The following AKAP10 variants were observed in gnomAD, a reference collection of about 807,000 sequenced individuals.
AKAP10 encodes A-kinase anchoring protein 10.
Under a neutral mutation model 80.8 loss-of-function variants are expected in AKAP10, and 24 were observed. The observed-to-expected ratio is 0.30, with a 90% CI of 0.22 to 0.42. The LOEUF (loss-of-function observed/expected upper bound fraction) is 0.42, where lower values mean the gene tolerates loss of function less well. Among genes scored for constraint, AKAP10 ranks in the 10% least tolerant of loss-of-function variants. AKAP10 has a pLI of 1.00. For synonymous variants in AKAP10, 291 were observed against 277.7 expected (o/e 1.05, Z -0.48); for missense variants, 661 against 794.9 (o/e 0.83, Z 2.03).
intron 12 of AKAP10, among the ~76,000 whole-genome samples, chr17:19,914,645 A>T (rs886706738): frequency 4.6e-5 from 7 of 151,398 alleles, no homozygotes; most frequent in African/African-American, 1.7e-4. Context: ...AAAAAAAAAA[A>T]AAAAAGATAA....
In AKAP10 at chr17:19,946,888, G is replaced by A. The variant is rs537992709; in HGVS notation, c.976+519C>T. 3.9e-5 allele frequency among the ~76,000 whole-genome samples: 6 copies of A among 152,254 alleles called. No individual in the cohort carries two copies. In the East Asian group the frequency reaches 5.8e-4, roughly 15 times the overall value. On this transcript the variant is annotated intron_variant, in intron 5 of 14. Transcript: ENST00000225737. ...GTAGACATCCAGGGTGCCCAGGGACGTCAGGCCCACTGAGAAGTGGGATGA... is the reference window on the plus strand; with the variant it reads ...GTAGACATCCAGGGTGCCCAGGGACATCAGGCCCACTGAGAAGTGGGATGA...
chr17:19,966,430 G>A (rs1308102430), intron 2 of AKAP10, among the ~76,000 whole-genome samples: 8 of 152,060 alleles, frequency 5.3e-5, no homozygotes, highest in South Asian at 2.1e-4. Context: ...TTTGTTCACC[G>A]TTATAGTCAG....
chr17:19,947,113 G>A, intron 5 of AKAP10: 1 of 362,776 alleles, frequency 2.8e-6, no homozygotes, highest in Non-Finnish European at 5.1e-6. Context: ...TCCATCCGGT[G>A]GTCTGTGCCG....
chr17:19,937,239 C>T (rs777276756), intron 8 of AKAP10, among the ~76,000 whole-genome samples: 12 of 152,326 alleles, frequency 7.9e-5, no homozygotes, highest in Non-Finnish European at 1.3e-4. Context: ...CAGTGGCTCA[C>T]GCCTATAATC....
intron 6 of AKAP10, among the ~76,000 whole-genome samples, chr17:19,941,569 T>C (rs569696262): frequency 6.6e-6 from 1 of 152,266 alleles, no homozygotes; most frequent in South Asian, 2.1e-4. Context: ...CTCCCCAAAT[T>C]ATTTCAGAAC....
intron 4 of AKAP10, among the ~76,000 whole-genome samples, chr17:19,951,380 C>A (rs555453406): frequency 6.6e-6 from 1 of 152,220 alleles, no homozygotes; most frequent in Admixed American, 6.5e-5. Flanking sequence ...CCAGCTGCCA[C>A]CCCGTCTGGG....
chr17:19,924,396 A>C lies in AKAP10; in HGVS notation c.1751+12T>G, dbSNP rs755048776. 3.2e-6 allele frequency: 5 copies of C among 1,550,810 alleles called. No homozygotes were observed. In the African/African-American group the frequency reaches 6.9e-5, roughly 21 times the overall value. On this transcript the variant is annotated intron_variant, in intron 11 of 14. Transcript: ENST00000225737. The stretch of plus-strand genomic sequence containing the variant: ...TACACTTGTAAAAATTCTAGGCATG[A>C]GCTAAGCTTACCCGGCATATGTCCG...
At chr17:19,956,606 G>A (rs896417180) in intron 4 of AKAP10, among the ~76,000 whole-genome samples, 1 of 152,072 alleles carries the variant, frequency 6.6e-6, no homozygotes, top group Non-Finnish European at 1.5e-5. Context: ...GCCCAGGTTG[G>A]TCTCAAAACT....
At chr17:19,957,666 T>G (rs936694125) in intron 4 of AKAP10, among the ~76,000 whole-genome samples, 1 of 152,228 alleles carries the variant, frequency 6.6e-6, no homozygotes, top group Non-Finnish European at 1.5e-5. Flanking sequence ...TTTTTAAAAA[T>G]TTTATCTGCA....
At chr17:19,977,459 G>T in intron 1 of AKAP10, 133 bp downstream of exon 1, 1 of 611,494 alleles carries the variant, frequency 1.6e-6, no homozygotes, top group South Asian at 8.7e-5. Context: ...AAGGCACTCA[G>T]GGGGCATCTG....
intron 14 of AKAP10, among the ~76,000 whole-genome samples, chr17:19,907,421 T>G (rs1023870660): frequency 1.3e-5 from 2 of 150,716 alleles, no homozygotes; most frequent in Non-Finnish European, 3.0e-5. Flanking sequence ...TTTTTTTTTT[T>G]TTTTTTTGAG....
intron 12 of AKAP10, among the ~76,000 whole-genome samples, chr17:19,914,037 G>A (rs1054461830): frequency 1.3e-5 from 2 of 152,186 alleles, no homozygotes; most frequent in Non-Finnish European, 2.9e-5. Flanking sequence ...GTCTCACTCT[G>A]TCACTAGGCT....
Position 19,909,225 on chromosome 17 carries a change from T to C in AKAP10, c.1939A>G (p.Met647Val). 6.2e-7 allele frequency: 1 copy of C among 1,613,866 alleles called. No homozygotes were observed. Among genetic ancestry groups the C allele is most frequent in the African/African-American group, 1.3e-5 (1 of 75,034 alleles). ...GGTTGATCATACTGAGCCTGCTGCATAATGTCACTGACTATCATTTTAGCA... is the reference window on the plus strand; with the variant it reads ...GGTTGATCATACTGAGCCTGCTGCACAATGTCACTGACTATCATTTTAGCA... ...KIAKMIVSDI[M>V]QQAQYDQPLE... is the part of the protein sequence containing the mutation. The change falls in exon 14 of 15, where the codon ATG becomes GTG. Residue 647 changes from methionine to valine, a missense_variant. Transcript: ENST00000225737.
chr17:19,955,201 G>A (rs1324244919), intron 4 of AKAP10, among the ~76,000 whole-genome samples: 1 of 151,152 alleles, frequency 6.6e-6, no homozygotes, highest in Non-Finnish European at 1.5e-5. Context: ...CAGCTCGGGC[G>A]ACAGAGCAAG....
At chr17:19,930,191 T>G (rs188632078) in intron 10 of AKAP10, among the ~76,000 whole-genome samples, 2 of 152,078 alleles carry the variant, frequency 1.3e-5, no homozygotes, top group Non-Finnish European at 2.9e-5. Context: ...GTATTGAAAA[T>G]TCAAAGGGTT....
intron 12 of AKAP10, among the ~76,000 whole-genome samples, chr17:19,916,703 C>T (rs898556488): frequency 2.8e-5 from 4 of 141,314 alleles, no homozygotes; most frequent in South Asian, 2.3e-4. Context: ...TTTGGGAGGC[C>T]GAGGTGGGCG....
intron 8 of AKAP10, among the ~76,000 whole-genome samples, chr17:19,937,793 A>C (rs2043008114): frequency 6.6e-6 from 1 of 152,168 alleles, no homozygotes; most frequent in Admixed American, 6.5e-5. Context: ...TTGTTCTGTG[A>C]CTTTGAGAAA....
intron 10 of AKAP10, 132 bp from the exon 11 acceptor site, chr17:19,924,649 G>A (rs2042856562): frequency 2.0e-6 from 1 of 489,356 alleles, no homozygotes; most frequent in African/African-American, 2.0e-5. Context: ...TCACTATTAA[G>A]ATGCTTAACA....
intron 5 of AKAP10, among the ~76,000 whole-genome samples, chr17:19,942,548 G>A (rs1024216449): frequency 6.6e-6 from 1 of 152,134 alleles, no homozygotes; most frequent in African/African-American, 2.4e-5. Flanking sequence ...CCCTTTCAAT[G>A]AGCAATTCTA....
Sources: gnomAD v4.1 joint callset for allele counts (sites outside exome capture counted in the v4.1 genomes callset) on GRCh38, gnomAD v4.1.1 for gene constraint, MANE v1.5 for transcripts, NCBI Gene and HGNC (gene_info 2026-07-23, HGNC 2026-07-21) for gene names.